The following CCDC180 variants were observed in gnomAD, a reference collection of about 807,000 sequenced individuals.
CCDC180 encodes coiled-coil domain containing 180.
A neutral mutation model predicts 209.2 loss-of-function variants in CCDC180; 154 were observed. The ratio of observed to expected loss-of-function variants is 0.74; its 90% CI spans 0.65 to 0.84. The LOEUF is 0.84. Ranked by LOEUF, CCDC180 falls within the 40% of genes least tolerant of loss-of-function variation. The pLI is 0.00. For missense variants in CCDC180, 1,874 were observed against 1,997.3 expected (o/e 0.94, Z 1.18); for synonymous variants, 778 against 749.1 (o/e 1.04, Z -0.63).
chr9:97,327,253 T>C (rs915237094), intron 15 of CCDC180, among the ~76,000 whole-genome samples: 1 of 152,206 alleles, frequency 6.6e-6, no homozygotes, highest in African/African-American at 2.4e-5. Context: ...GAGATTTTTT[T>C]CCCTCATTCC....
intron 34 of CCDC180, chr9:97,374,310 C>T: frequency 4.0e-6 from 2 of 502,616 alleles, no homozygotes; most frequent in East Asian, 6.7e-5. Context: ...GAGCTGGGAA[C>T]AGCACCCACA....
chr9:97,333,849 C>T (rs899377350), intron 18 of CCDC180, among the ~76,000 whole-genome samples: 5 of 150,428 alleles, frequency 3.3e-5, no homozygotes, highest in African/African-American at 1.2e-4. Flanking sequence ...GAGATGGAGT[C>T]TCACTCTGTC....
intron 18 of CCDC180, among the ~76,000 whole-genome samples, chr9:97,336,125 G>T (rs1025156527): frequency 6.6e-6 from 1 of 151,600 alleles, no homozygotes; most frequent in Non-Finnish European, 1.5e-5. Context: ...CCATTCTGTA[G>T]GTTGCCTGTT....
At position 97,365,696 on chromosome 9, in the gene CCDC180, CCCT is replaced by C; in HGVS notation, c.4009_4011del (p.Leu1337del). 6.2e-7 allele frequency: 1 copy of C among 1,614,112 alleles called. No homozygotes were observed. Among genetic ancestry groups the C allele is most frequent in the Non-Finnish European group, 8.5e-7 (1 of 1,179,998 alleles). On this transcript the variant is annotated inframe_deletion, in exon 30 of 37. Transcript: ENST00000529487. Reference sequence around the variant, plus strand: ...AGGGATTTTAAGGGGATCATCTTGACCCTCCTCTGGGAGAGCAGTGAGAACCTG... The same window carrying C: ...AGGGATTTTAAGGGGATCATCTTGACCCTCTGGGAGAGCAGTGAGAACCTG...
chr9:97,360,217 G>A lies in CCDC180; in HGVS notation c.3483+116G>A, dbSNP rs137989615. 4.0e-3 allele frequency: 5,019 copies of A among 1,243,416 alleles called. 128 individuals carry two copies. In the Admixed American group the frequency reaches 0.055, roughly 14 times the overall value. The allele number at this position is 1,243,416 out of a possible 1,614,324, so 77.0% of individuals were successfully genotyped here. On this transcript the variant is annotated intron_variant, in intron 26 of 36. Transcript: ENST00000529487. ...AGAGGGGACTCCCAGGCCTCCGCGG[G>A]ACATCAGGCTTACTGAGATGCTGTG...
At chr9:97,350,337 C>T in intron 21 of CCDC180, 72 bp from the exon 22 acceptor site, 1 of 1,453,316 alleles carries the variant, frequency 6.9e-7, no homozygotes, top group Non-Finnish European at 9.2e-7. Context: ...TGATCACCAT[C>T]ACCACCTGCC....
intron 22 of CCDC180, among the ~76,000 whole-genome samples, chr9:97,353,275 G>A (rs555012507): frequency 6.6e-6 from 1 of 152,278 alleles, no homozygotes; most frequent in South Asian, 2.1e-4. Flanking sequence ...GGGATTACAG[G>A]TGTGAGCCAC....
intron 8 of CCDC180, among the ~76,000 whole-genome samples, chr9:97,315,313 G>T (rs1833131888): frequency 6.6e-6 from 1 of 152,118 alleles, no homozygotes; most frequent in East Asian, 1.9e-4. Context: ...TCATCGGGGG[G>T]CTACGGTGGT....
intron 11 of CCDC180, among the ~76,000 whole-genome samples, 155 bp from the exon 12 acceptor site, chr9:97,322,678 A>G (rs558057314): frequency 3.1e-4 from 47 of 152,314 alleles, no homozygotes; most frequent in African/African-American, 1.1e-3. Flanking sequence ...GGAACTTTGT[A>G]AGGGGACCCC....
intron 14 of CCDC180, among the ~76,000 whole-genome samples, chr9:97,326,055 ACATGT>A (rs1446580113): frequency 1.3e-5 from 2 of 152,198 alleles, no homozygotes; most frequent in Non-Finnish European, 2.9e-5. Flanking sequence ...TTACAGACAA[ACATGT>A]CATTCATGTA....
At position 97,378,668 on chromosome 9, in the gene CCDC180, C is replaced by T. The variant is rs537015539; in HGVS notation, c.*1774C>T. 7 of 152,328 alleles carry T rather than the reference C, an allele frequency of 4.6e-5. No individual in the cohort carries two copies. Among genetic ancestry groups the T allele is most frequent in the African/African-American group, 1.7e-4 (7 of 41,578 alleles). 9.4% of individuals were successfully genotyped at this position (152,328 alleles called of 1,614,324 possible). A position where few individuals can be genotyped will look rare whatever the true frequency, so the allele number is the denominator to read the frequency against. On this transcript the variant is annotated 3_prime_UTR_variant, in exon 37 of 37. Coordinates refer to ENST00000529487, the MANE Select transcript of CCDC180 (RefSeq NM_020893.6). ...CCAGATCGCCTCTGTCGGACAAGGGCGAGGATGTCCCATGCAGGGCTCCTA... is the reference window on the plus strand; with the variant it reads ...CCAGATCGCCTCTGTCGGACAAGGGTGAGGATGTCCCATGCAGGGCTCCTA...
chr9:97,331,049 GT>G (rs200663425), intron 18 of CCDC180, among the ~76,000 whole-genome samples: 1 of 145,162 alleles, frequency 6.9e-6, no homozygotes, highest in South Asian at 2.1e-4. Context: ...AATAGTTGTT[GT>G]TTTTTTTTCT....
Position 97,366,954 on chromosome 9 carries a change from C to T in CCDC180, c.4189+254C>T. 6.6e-6 allele frequency among the ~76,000 whole-genome samples: 1 copy of T among 152,188 alleles called. No individual in the cohort carries two copies. The highest frequency in any genetic ancestry group is 1.5e-5 in the Non-Finnish European group (1 of 68,018). ...TACCTCTAAAAATATTTTGTTTCTT[C>T]TACAGATATTTTTGACAGCTTTGTT... On this transcript the variant is annotated intron_variant, in intron 31 of 36. Coordinates refer to ENST00000529487, the MANE Select transcript of CCDC180 (RefSeq NM_020893.6). The surrounding 1 kb of genome is among the most constrained non-coding windows in gnomAD (Gnocchi z 4.3).
intron 20 of CCDC180, chr9:97,347,718 T>A: frequency 1.9e-6 from 1 of 515,128 alleles, no homozygotes; most frequent in Non-Finnish European, 3.4e-6. Context: ...CATTTTTTTT[T>A]CAAGAGGGTG....
At chr9:97,368,151 A>G (rs1423865193) in intron 31 of CCDC180, among the ~76,000 whole-genome samples, 3 of 152,238 alleles carry the variant, frequency 2.0e-5, no homozygotes, top group African/African-American at 7.2e-5. Flanking sequence ...TACTAAAAAC[A>G]TGTAAAATGC....
intron 22 of CCDC180, among the ~76,000 whole-genome samples, chr9:97,352,852 C>T (rs1196598288): frequency 6.6e-6 from 1 of 151,848 alleles, no homozygotes; most frequent in African/African-American, 2.4e-5. Context: ...CTGATTCACT[C>T]TGTAACTGTG....
intron 19 of CCDC180, chr9:97,345,821 C>T (rs896588066): frequency 6.2e-6 from 1 of 160,562 alleles, no homozygotes; most frequent in African/African-American, 2.4e-5. Flanking sequence ...TTCATCCCCT[C>T]TCTGCACTTG....
chr9:97,333,473 G>T (rs1434342886), intron 18 of CCDC180, among the ~76,000 whole-genome samples: 2 of 148,586 alleles, frequency 1.3e-5, no homozygotes, highest in Non-Finnish European at 3.0e-5. Flanking sequence ...GGTAGAATTT[G>T]GCTGTGAATC....
rs1587778333 is a variant in CCDC180, at chr9:97,312,265, T to G, written c.349+64T>G. The G allele has an allele frequency of 1.5e-5, 21 of 1,404,208 alleles. No individual in the cohort carries two copies. In the East Asian group the frequency reaches 2.5e-4, roughly 17 times the overall value. 87.0% of individuals were successfully genotyped at this position (1,404,208 alleles called of 1,614,324 possible). A position where few individuals can be genotyped will look rare whatever the true frequency, so the allele number is the denominator to read the frequency against. On this transcript the variant is annotated intron_variant, in intron 4 of 36. Transcript: ENST00000529487. The stretch of plus-strand genomic sequence containing the variant: ...GCCAGGATGAGACCTGGGCAGGAGG[T>G]GGGGACGTCTCCTGGCAACTCCTCT...
Sources: allele counts gnomAD v4.1 joint callset (sites outside exome capture counted in the v4.1 genomes callset), GRCh38; gene constraint gnomAD v4.1.1; non-coding constraint Gnocchi (gnomAD v3.1); transcripts MANE v1.5; gene names NCBI Gene and HGNC (gene_info 2026-07-23, HGNC 2026-07-21).